ELMO1: variants seen among roughly 807,000 people sequenced by gnomAD.
ELMO1 encodes the protein engulfment and cell motility protein 1.
ELMO1 carries 26 observed loss-of-function variants against 98.9 expected under a neutral mutation model. The ratio of observed to expected loss-of-function variants is 0.26; its 90% CI spans 0.19 to 0.36. The LOEUF is 0.36. Among genes scored for constraint, ELMO1 ranks in the 10% least tolerant of loss-of-function variants. The pLI is 1.00. For synonymous variants in ELMO1, 346 were observed against 346.0 expected, an observed-to-expected ratio of 1.00 and a Z score of 0.00; for missense variants, 627 against 935.2, an observed-to-expected ratio of 0.67 and a Z score of 4.30.
chr7:37,175,456 G>A (rs1051851423), intron 13 of ELMO1, among the ~76,000 whole-genome samples: 7 of 152,168 alleles, frequency 4.6e-5, no homozygotes, highest in Admixed American at 6.5e-5. Context: ...CAGTTGAGAC[G>A]GGCGGCCCAC....
chr7:37,354,410 G>C (rs1293048338), intron 1 of ELMO1, among the ~76,000 whole-genome samples: 1 of 152,186 alleles, frequency 6.6e-6, no homozygotes, highest in Non-Finnish European at 1.5e-5. Flanking sequence ...CCACTGGACA[G>C]AAATAGAAAG....
At chr7:36,923,318 G>A (rs1785290406) in intron 16 of ELMO1, among the ~76,000 whole-genome samples, 1 of 152,220 alleles carries the variant, frequency 6.6e-6, no homozygotes, top group African/African-American at 2.4e-5. Flanking sequence ...CTCACATCTT[G>A]AAGCCAAACA....
intron 15 of ELMO1, among the ~76,000 whole-genome samples, chr7:37,020,022 G>A (rs1794175470): frequency 1.3e-5 from 2 of 152,228 alleles, no homozygotes; most frequent in South Asian, 2.1e-4. Context: ...ATGTGTAGTG[G>A]GGCAGGTATT....
At chr7:36,979,334 C>T (rs1391389371) in intron 16 of ELMO1, among the ~76,000 whole-genome samples, 1 of 152,206 alleles carries the variant, frequency 6.6e-6, no homozygotes, top group Non-Finnish European at 1.5e-5. Flanking sequence ...CATTTGTTAA[C>T]AGCCTCATGG....
chr7:37,127,057 T>C (rs924301321), intron 14 of ELMO1, among the ~76,000 whole-genome samples: 1 of 152,244 alleles, frequency 6.6e-6, no homozygotes, highest in Non-Finnish European at 1.5e-5. Context: ...TCTGTCTCAC[T>C]GTAATGCCAA....
In ELMO1 at chr7:37,049,663, C is replaced by T. The variant is rs565917587; in HGVS notation, c.1301-36228G>A. Among the ~76,000 whole-genome samples the T allele has an allele frequency of 2.6e-5, 4 of 152,038 alleles. No homozygotes were observed. In the South Asian group the frequency reaches 8.3e-4, roughly 32 times the overall value. Reference sequence around the variant, plus strand: ...TTTCTTCAGGAGGAGAGGGGTCCATCACAGATTTCCTATGAAGGTGGAAGA... The same window carrying T: ...TTTCTTCAGGAGGAGAGGGGTCCATTACAGATTTCCTATGAAGGTGGAAGA... On this transcript the variant is annotated intron_variant, in intron 15 of 21. Coordinates refer to ENST00000310758, the MANE Select transcript of ELMO1 (RefSeq NM_014800.11).
intron 14 of ELMO1, among the ~76,000 whole-genome samples, chr7:37,118,363 G>A (rs912810972): frequency 2.6e-5 from 4 of 152,094 alleles, no homozygotes; most frequent in Admixed American, 1.3e-4. Context: ...TAATATACTC[G>A]TGTGACTTTT....
At chr7:37,256,312 A>G (rs1447452011) in intron 6 of ELMO1, among the ~76,000 whole-genome samples, 2 of 152,004 alleles carry the variant, frequency 1.3e-5, no homozygotes, top group African/African-American at 4.8e-5. Context: ...CCGATCACCC[A>G]GGCCTGTTTG....
intron 16 of ELMO1, among the ~76,000 whole-genome samples, chr7:37,005,121 A>G (rs1212710760): frequency 6.7e-6 from 1 of 150,252 alleles, no homozygotes; most frequent in African/African-American, 2.5e-5. Context: ...AAAAAAAAAA[A>G]AAAAAAAAAA....
At chr7:37,434,846 A>C (rs945835438) in intron 1 of ELMO1, among the ~76,000 whole-genome samples, 2 of 152,156 alleles carry the variant, frequency 1.3e-5, no homozygotes, top group Non-Finnish European at 2.9e-5. Flanking sequence ...CTCCCTGACT[A>C]CATTAATCTC....
chr7:37,269,817 T>C (rs1323863576), intron 5 of ELMO1: 1 of 152,134 alleles, frequency 6.6e-6, no homozygotes, highest in Non-Finnish European at 1.5e-5. Flanking sequence ...AATGTGAGGA[T>C]CATTATCTCA....
intron 15 of ELMO1, among the ~76,000 whole-genome samples, chr7:37,060,948 C>T (rs78054400): frequency 0.031 from 4,755 of 151,104 alleles, 126 homozygotes; most frequent in African/African-American, 0.068. Context: ...ACTAAGATTC[C>T]GATTTCCAAG....
At chr7:37,346,982 A>C (rs981423623) in intron 1 of ELMO1, among the ~76,000 whole-genome samples, 5 of 152,210 alleles carry the variant, frequency 3.3e-5, no homozygotes, top group Non-Finnish European at 5.9e-5. Context: ...CCATTGAGAG[A>C]GCAAAGGAGC....
chr7:36,876,823 C>T (rs1804024275), intron 19 of ELMO1, among the ~76,000 whole-genome samples: 1 of 152,206 alleles, frequency 6.6e-6, no homozygotes, highest in Non-Finnish European at 1.5e-5. Context: ...CTCTCTGCAG[C>T]AGTGGATTTC....
chr7:37,177,919 T>A (rs1217392199), intron 13 of ELMO1, among the ~76,000 whole-genome samples: 1 of 152,156 alleles, frequency 6.6e-6, no homozygotes, highest in African/African-American at 2.4e-5. Flanking sequence ...TCAAACCAAA[T>A]AAATGCCCCT....
chr7:37,398,637 G>A (rs1803396637), intron 1 of ELMO1, among the ~76,000 whole-genome samples: 2 of 150,384 alleles, frequency 1.3e-5, no homozygotes, highest in Admixed American at 1.3e-4. Context: ...AAAGAATGCG[G>A]GATGGGAGGA....
chr7:37,094,254 T>C (rs1176764949), intron 15 of ELMO1, among the ~76,000 whole-genome samples: 2 of 152,210 alleles, frequency 1.3e-5, no homozygotes, highest in Non-Finnish European at 2.9e-5. Context: ...GGCAGAATGT[T>C]GGGAGTCTTC....
chr7:37,310,108 C>G (rs1376684413), intron 4 of ELMO1, among the ~76,000 whole-genome samples: 1 of 152,204 alleles, frequency 6.6e-6, no homozygotes, highest in East Asian at 1.9e-4. Context: ...CCCAAACAAC[C>G]CTACTTCCTT....
In ELMO1 at chr7:37,419,568, C is replaced by T. The variant is rs1804381505; in HGVS notation, c.-74+29107G>A. On this transcript the variant is annotated intron_variant, in intron 1 of 21. Coordinates refer to ENST00000310758, the MANE Select transcript of ELMO1 (RefSeq NM_014800.11). ...TGCCATTTACATAGAGGTGTCAGAA[C>T]TATCACTATTTAAATAATTGTATAC... The T allele has an allele frequency of 2.0e-5, 3 of 152,176 alleles. No individual in the cohort carries two copies. The South Asian group carries it at 6.2e-4, about 32-fold the overall frequency. The allele number at this position is 152,176 out of a possible 1,614,324, so 9.4% of individuals were successfully genotyped here. A position where few individuals can be genotyped will look rare whatever the true frequency, so the allele number is the denominator to read the frequency against.
Sources: allele counts gnomAD v4.1 joint callset (sites outside exome capture counted in the v4.1 genomes callset), GRCh38; gene constraint gnomAD v4.1.1; transcripts MANE v1.5; gene names NCBI Gene and HGNC (gene_info 2026-07-23, HGNC 2026-07-21).